The following TAFA4 variants were observed in gnomAD, a reference collection of about 807,000 sequenced individuals.
The protein encoded by TAFA4 is chemokine-like protein TAFA-4.
TAFA4 carries 20 observed loss-of-function variants against 21.1 expected under a neutral mutation model. The observed-to-expected ratio is 0.95, with a 90% CI of 0.67 to 1.38. The LOEUF (loss-of-function observed/expected upper bound fraction) is 1.38. Among genes scored for constraint, TAFA4 ranks in the 40% most tolerant of loss-of-function variants. The pLI, the probability that TAFA4 is intolerant of heterozygous loss-of-function variation, is 0.00. For missense variants in TAFA4, 211 were observed against 180.9 expected (o/e 1.17, Z -0.95); for synonymous variants, 71 against 67.4 (o/e 1.05, Z -0.26).
At chr3:68,736,625 T>C (rs776872889) in intron 5 of TAFA4, among the ~76,000 whole-genome samples, 7 of 152,152 alleles carry the variant, frequency 4.6e-5, no homozygotes, top group Non-Finnish European at 8.8e-5. Context: ...GTTTAGTTAA[T>C]ACGTCCTCTA....
intron 3 of TAFA4, among the ~76,000 whole-genome samples, chr3:68,820,523 T>A (rs973452655): frequency 6.6e-6 from 1 of 151,222 alleles, no homozygotes; most frequent in Admixed American, 6.6e-5. Context: ...AAAAAAAAAA[T>A]AAAAAATTAG....
Position 68,861,515 on chromosome 3 carries a change from G to A in TAFA4, c.130+19215C>T, listed in dbSNP as rs541979267. 2.6e-5 allele frequency among the ~76,000 whole-genome samples: 4 copies of A among 152,082 alleles called. No individual in the cohort carries two copies. The South Asian group carries it at 8.3e-4, about 32-fold the overall frequency. The stretch of plus-strand genomic sequence containing the variant: ...TTAGAAACTCTTGTCCAGGAAGGGA[G>A]ACAGACACAAATTATTTTCTTCACA... On this transcript the variant is annotated intron_variant, in intron 3 of 5. Coordinates refer to ENST00000295569, the MANE Select transcript of TAFA4 (RefSeq NM_182522.5).
At position 68,743,335 on chromosome 3, in the gene TAFA4, G is replaced by A. The variant is rs558383897; in HGVS notation, c.287-4136C>T. Among the ~76,000 whole-genome samples, 18 of 152,174 alleles carry A rather than the reference G, an allele frequency of 1.2e-4. No individual in the cohort carries two copies. In the South Asian group the frequency reaches 3.8e-3, roughly 32 times the overall value. Reference sequence around the variant, plus strand: ...TCACACCTGTAATCCCAGCACTTTGGAAGGCCTAGGTGGGCAGATCACTTG... The same window carrying A: ...TCACACCTGTAATCCCAGCACTTTGAAAGGCCTAGGTGGGCAGATCACTTG... On this transcript the variant is annotated intron_variant, in intron 4 of 5. Transcript: ENST00000295569.
At chr3:68,837,126 A>G (rs935540706) in intron 3 of TAFA4, among the ~76,000 whole-genome samples, 1 of 152,240 alleles carries the variant, frequency 6.6e-6, no homozygotes, top group African/African-American at 2.4e-5. Context: ...TAATTGCAAC[A>G]GAGGCTGTAT....
chr3:68,830,302 C>T lies in TAFA4; in HGVS notation c.130+50428G>A, dbSNP rs140112957. ...GTTAGGGTGTCAATTTTAGATCTTT[C>T]CTGCTTTCTCTTGTGGGCATTTAGT... is the stretch of plus-strand genomic sequence containing the variant. On this transcript the variant is annotated intron_variant, in intron 3 of 5. Coordinates refer to ENST00000295569, the MANE Select transcript of TAFA4 (RefSeq NM_182522.5). Among the ~76,000 whole-genome samples, 830 of 152,272 alleles carry T rather than the reference C, an allele frequency of 5.5e-3. 9 individuals carry two copies. The highest frequency in any genetic ancestry group is 0.019 in the African/African-American group (774 of 41,562).
At chr3:68,911,357 G>A (rs760139678) in intron 1 of TAFA4, among the ~76,000 whole-genome samples, 28 of 152,330 alleles carry the variant, frequency 1.8e-4, no homozygotes, top group Non-Finnish European at 3.7e-4. Flanking sequence ...TCTTTTCCAA[G>A]AGATTTACAT....
chr3:68,788,921 C>T (rs974212578), intron 3 of TAFA4, among the ~76,000 whole-genome samples: 4 of 152,136 alleles, frequency 2.6e-5, no homozygotes, highest in African/African-American at 9.7e-5. Context: ...AGCCATCACA[C>T]CCAGCCATGT....
intron 1 of TAFA4, among the ~76,000 whole-genome samples, chr3:68,899,199 T>C (rs958087232): frequency 1.3e-5 from 2 of 152,160 alleles, no homozygotes; most frequent in Non-Finnish European, 2.9e-5. Flanking sequence ...CAAACTGAGA[T>C]ACTAAGTGTA....
intron 1 of TAFA4, among the ~76,000 whole-genome samples, chr3:68,899,662 G>C (rs2089825199): frequency 6.6e-6 from 1 of 152,078 alleles, no homozygotes; most frequent in South Asian, 2.1e-4. Context: ...CATCCTGGCA[G>C]CAAGTATACC....
At chr3:68,843,914 T>C (rs914684572) in intron 3 of TAFA4, among the ~76,000 whole-genome samples, 3 of 152,258 alleles carry the variant, frequency 2.0e-5, no homozygotes, top group African/African-American at 7.2e-5. Flanking sequence ...CTGGATTTGG[T>C]TTGCCAGTAT....
chr3:68,752,747 A>G, intron 4 of TAFA4, 116 bp downstream of exon 4: 1 of 1,257,156 alleles, frequency 8.0e-7, no homozygotes, highest in Non-Finnish European at 1.1e-6. Flanking sequence ...TTGGATTGAC[A>G]CTGATCTCAA....
At chr3:68,752,657 C>T (rs1248381453) in intron 4 of TAFA4, among the ~76,000 whole-genome samples, 1 of 152,112 alleles carries the variant, frequency 6.6e-6, no homozygotes, top group Non-Finnish European at 1.5e-5. Context: ...ATATAACTCC[C>T]CATTGGTACC....
At chr3:68,786,027 G>C (rs1169691837) in intron 3 of TAFA4, among the ~76,000 whole-genome samples, 1 of 152,182 alleles carries the variant, frequency 6.6e-6, no homozygotes, top group Non-Finnish European at 1.5e-5. Context: ...ATCAATAGGG[G>C]ACTGGTTAAA....
intron 5 of TAFA4, among the ~76,000 whole-genome samples, chr3:68,736,138 G>A (rs983940699): frequency 6.6e-5 from 10 of 152,024 alleles, no homozygotes; most frequent in Admixed American, 1.3e-4. Flanking sequence ...AACAAGATAC[G>A]GCAAATGCTT....
At chr3:68,776,647 A>G (rs750982859) in intron 3 of TAFA4, among the ~76,000 whole-genome samples, 8 of 152,192 alleles carry the variant, frequency 5.3e-5, no homozygotes, top group Non-Finnish European at 1.2e-4. Context: ...AGAACTGTCA[A>G]CCAGCTGGAC....
chr3:68,781,249 G>A (rs563206874), intron 3 of TAFA4, among the ~76,000 whole-genome samples: 177 of 147,038 alleles, frequency 1.2e-3, no homozygotes, highest in African/African-American at 4.2e-3. Flanking sequence ...ATAAAGAAGA[G>A]CAAATTAAAT....
chr3:68,799,132 C>T (rs1703517031), intron 3 of TAFA4, among the ~76,000 whole-genome samples: 1 of 152,120 alleles, frequency 6.6e-6, no homozygotes, highest in South Asian at 2.1e-4. Flanking sequence ...TGTTCACGTC[C>T]TAATTCCCAG....
At chr3:68,927,235 T>C (rs1480144918) in intron 1 of TAFA4, among the ~76,000 whole-genome samples, 6 of 152,228 alleles carry the variant, frequency 3.9e-5, no homozygotes, top group Non-Finnish European at 2.9e-5. Flanking sequence ...ATTCCCAGGT[T>C]AGTAACTACA....
chr3:68,821,251 G>A (rs113709785), intron 3 of TAFA4, among the ~76,000 whole-genome samples: 1 of 150,324 alleles, frequency 6.7e-6, no homozygotes, highest in African/African-American at 2.4e-5. Context: ...ATAATCCTAA[G>A]ATATAAACAC....
Sources: gnomAD v4.1 joint callset for allele counts (sites outside exome capture counted in the v4.1 genomes callset) on GRCh38, gnomAD v4.1.1 for gene constraint, MANE v1.5 for transcripts, NCBI Gene and HGNC (gene_info 2026-07-23, HGNC 2026-07-21) for gene names.